Variants in CSMD1 observed in about 807,000 individuals in gnomAD.
CSMD1 encodes CUB and sushi domain-containing protein 1.
Under a neutral mutation model 417.5 loss-of-function variants are expected in CSMD1, and 213 were observed. The ratio of observed to expected loss-of-function variants is 0.51; its 90% CI spans 0.46 to 0.57. The LOEUF is 0.57. CSMD1 is among the 20% of genes least tolerant of loss of function. The probability of loss-of-function intolerance (pLI) is 0.00; values close to 1 mark genes in which losing one functional copy is unlikely to be tolerated. For missense variants in CSMD1, 6,923 were observed against 4,529.7 expected (o/e 1.53, Z -15.17); for synonymous variants, 2,862 against 1,736.8 (o/e 1.65, Z -16.11).
At chr8:4,264,369 T>C (rs941574784) in intron 3 of CSMD1, among the ~76,000 whole-genome samples, 2 of 152,248 alleles carry the variant, frequency 1.3e-5, no homozygotes, top group Admixed American at 1.3e-4. Context: ...GTCTTTCCAC[T>C]TTTTAGAAGA....
intron 2 of CSMD1, among the ~76,000 whole-genome samples, chr8:4,459,842 C>G (rs1331190441): frequency 6.6e-6 from 1 of 152,164 alleles, no homozygotes; most frequent in Non-Finnish European, 1.5e-5. Context: ...GCCTAGATAA[C>G]TAAAGCATGC....
At chr8:3,960,000 T>G (rs961677992) in intron 5 of CSMD1, among the ~76,000 whole-genome samples, 1 of 152,228 alleles carries the variant, frequency 6.6e-6, no homozygotes, top group African/African-American at 2.4e-5. Context: ...TCACAGTATG[T>G]GCGTGAAGCT....
chr8:3,503,154 T>C (rs1368859553), intron 10 of CSMD1, among the ~76,000 whole-genome samples: 1 of 152,180 alleles, frequency 6.6e-6, no homozygotes, highest in Non-Finnish European at 1.5e-5. Context: ...TTACAAAGAC[T>C]GAATTTCAAC....
chr8:4,966,540 C>G (rs192243358), intron 1 of CSMD1, among the ~76,000 whole-genome samples: 1 of 152,302 alleles, frequency 6.6e-6, no homozygotes, highest in Non-Finnish European at 1.5e-5. Context: ...CTGTCACTGT[C>G]CATCTGAGAG....
intron 3 of CSMD1, among the ~76,000 whole-genome samples, chr8:4,326,960 G>GA (rs1799595849): frequency 2.0e-5 from 3 of 152,124 alleles, no homozygotes; most frequent in African/African-American, 4.8e-5. Context: ...AAGTGCAGGT[G>GA]AAAAAATAGG....
intron 3 of CSMD1, among the ~76,000 whole-genome samples, chr8:4,343,064 C>T (rs537501865): frequency 2.0e-5 from 3 of 152,180 alleles, no homozygotes; most frequent in African/African-American, 7.2e-5. Flanking sequence ...TTTAAGTTGC[C>T]TTCAACATCA....
In CSMD1 at chr8:3,592,402, A is replaced by G. The variant is rs924668848; in HGVS notation, c.1098-6142T>C. 6.6e-5 allele frequency among the ~76,000 whole-genome samples: 10 copies of G among 152,264 alleles called. No homozygotes were observed. In the East Asian group the frequency reaches 7.7e-4, roughly 12 times the overall value. ...CATCTTCAGCAAAAAGAAAAAATAC[A>G]TTAGGTAAAATGTTTTTCAGTCTCA... On this transcript the variant is annotated intron_variant, in intron 8 of 69. Coordinates refer to ENST00000635120, the MANE Select transcript of CSMD1 (RefSeq NM_033225.6).
At position 4,292,243 on chromosome 8, in the gene CSMD1, C is replaced by T. The variant is rs182353015; in HGVS notation, c.415+127710G>A. Among the ~76,000 whole-genome samples the T allele has an allele frequency of 9.3e-3, 1,418 of 152,006 alleles. 23 individuals are homozygous for T. Among genetic ancestry groups the T allele is most frequent in the African/African-American group, 0.033 (1,369 of 41,450 alleles). ...ACTTTCCAAAGAATTTTGTTGTCGTCGTTGTTGTTGTTGTTTAGTTTTGTT... is the reference window on the plus strand; with the variant it reads ...ACTTTCCAAAGAATTTTGTTGTCGTTGTTGTTGTTGTTGTTTAGTTTTGTT... On this transcript the variant is annotated intron_variant, in intron 3 of 69. Transcript: ENST00000635120.
At chr8:3,437,148 C>A (rs1166456720) in intron 12 of CSMD1, among the ~76,000 whole-genome samples, 4 of 152,120 alleles carry the variant, frequency 2.6e-5, no homozygotes, top group Non-Finnish European at 4.4e-5. Flanking sequence ...GGAAAAAAAT[C>A]AAATGCAATT....
chr8:4,063,067 G>A (rs544330724), intron 3 of CSMD1, among the ~76,000 whole-genome samples: 1 of 152,234 alleles, frequency 6.6e-6, no homozygotes, highest in African/African-American at 2.4e-5. Flanking sequence ...ATATATGAGA[G>A]AGAAGAAAAA....
chr8:4,240,694 T>C (rs1802347282), intron 3 of CSMD1, among the ~76,000 whole-genome samples: 2 of 152,210 alleles, frequency 1.3e-5, no homozygotes, highest in Admixed American at 1.3e-4. Flanking sequence ...AATGTAAATG[T>C]ACCACAATTT....
At chr8:3,831,290 C>T (rs1278610231) in intron 5 of CSMD1, among the ~76,000 whole-genome samples, 1 of 152,052 alleles carries the variant, frequency 6.6e-6, no homozygotes, top group Non-Finnish European at 1.5e-5. Flanking sequence ...GGGAGCTGCC[C>T]TGGGGAGCTG....
intron 61 of CSMD1, 30 bp downstream of exon 61, chr8:2,962,436 G>A (rs1585057264): frequency 1.3e-6 from 2 of 1,580,352 alleles, no homozygotes; most frequent in African/African-American, 2.7e-5. Flanking sequence ...ATACTCCCAG[G>A]TATCCCCAGA....
At chr8:3,464,140 C>T (rs17066201) in intron 12 of CSMD1, among the ~76,000 whole-genome samples, 40,742 of 151,960 alleles carry the variant, frequency 0.27, 7,106 homozygotes, top group East Asian at 0.55. Context: ...TAAATAGCTA[C>T]GGCAAATTAC....
intron 3 of CSMD1, among the ~76,000 whole-genome samples, chr8:4,395,845 T>C (rs1054713504): frequency 6.6e-6 from 1 of 152,166 alleles, no homozygotes; most frequent in African/African-American, 2.4e-5. Context: ...TAGAAAATGA[T>C]AGCATGAAAA....
chr8:4,366,113 T>C (rs1802054432), intron 3 of CSMD1, among the ~76,000 whole-genome samples: 2 of 152,060 alleles, frequency 1.3e-5, no homozygotes. Flanking sequence ...CCGGCACCTG[T>C]TGTTCCCTAC....
intron 1 of CSMD1, among the ~76,000 whole-genome samples, chr8:4,871,841 T>G (rs1384414963): frequency 6.6e-6 from 1 of 152,128 alleles, no homozygotes; most frequent in Non-Finnish European, 1.5e-5. Context: ...GCAGGTTCTG[T>G]GCTTGCCAGC....
chr8:4,587,922 C>A (rs1412959412), intron 2 of CSMD1, among the ~76,000 whole-genome samples: 4 of 152,226 alleles, frequency 2.6e-5, no homozygotes, highest in Non-Finnish European at 4.4e-5. Context: ...TTTAAACTCA[C>A]TTCCAGTGAT....
intron 1 of CSMD1, among the ~76,000 whole-genome samples, chr8:4,928,517 T>G (rs747449661): frequency 1.5e-4 from 23 of 152,188 alleles, no homozygotes; most frequent in Non-Finnish European, 3.1e-4. Flanking sequence ...CTGGCCCTCC[T>G]GAACTTCAGC....
Sources: gnomAD v4.1 joint callset for allele counts (sites outside exome capture counted in the v4.1 genomes callset) on GRCh38, gnomAD v4.1.1 for gene constraint, MANE v1.5 for transcripts, NCBI Gene and HGNC (gene_info 2026-07-23, HGNC 2026-07-21) for gene names.